The following DNM3 variants were observed in gnomAD, a reference collection of about 807,000 sequenced individuals.
DNM3 encodes the protein dynamin 3.
In DNM3, 47 loss-of-function variants were observed where a neutral mutation model predicts 101.6. The observed-to-expected ratio is 0.46, with a 90% CI of 0.37 to 0.59. The LOEUF (loss-of-function observed/expected upper bound fraction) is 0.59, where lower values mean the gene tolerates loss of function less well. Among genes scored for constraint, DNM3 ranks in the 20% least tolerant of loss-of-function variants. The pLI is 0.00. For synonymous variants in DNM3, 385 were observed against 387.9 expected (o/e 0.99, Z 0.09); for missense variants, 849 against 1,085.7 (o/e 0.78, Z 3.06).
chr1:172,169,043 G>A (rs906772678), intron 14 of DNM3, among the ~76,000 whole-genome samples: 1 of 151,792 alleles, frequency 6.6e-6, no homozygotes, highest in African/African-American at 2.4e-5. Flanking sequence ...GTAGTCTTTG[G>A]ATATATACAT....
intron 16 of DNM3, among the ~76,000 whole-genome samples, chr1:172,315,885 G>A (rs1201062619): frequency 6.6e-6 from 1 of 152,092 alleles, no homozygotes; most frequent in Admixed American, 6.5e-5. Context: ...GAAATACAGA[G>A]AACGCCACAA....
intron 16 of DNM3, among the ~76,000 whole-genome samples, chr1:172,314,419 C>T (rs982171553): frequency 3.9e-5 from 6 of 152,102 alleles, no homozygotes; most frequent in East Asian, 1.9e-4. Flanking sequence ...GTGCACGAGC[C>T]GAAGCAGGGC....
At chr1:172,182,242 C>A (rs992864176) in intron 14 of DNM3, among the ~76,000 whole-genome samples, 3 of 150,634 alleles carry the variant, frequency 2.0e-5, no homozygotes, top group Non-Finnish European at 4.4e-5. Context: ...AACAAAAAAA[C>A]GATTTCTCTA....
chr1:172,071,099 AT>A (rs2052140658), intron 11 of DNM3, among the ~76,000 whole-genome samples: 1 of 129,692 alleles, frequency 7.7e-6, no homozygotes, highest in African/African-American at 3.3e-5. Flanking sequence ...ATATATATAT[AT>A]ATATATATAT....
chr1:172,396,239 A>G (rs1344088739), intron 20 of DNM3, among the ~76,000 whole-genome samples: 1 of 152,228 alleles, frequency 6.6e-6, no homozygotes, highest in South Asian at 2.1e-4. Flanking sequence ...CTACCCAAGG[A>G]CCTGAAAATA....
chr1:171,977,284 T>C (rs2044446795), intron 2 of DNM3, among the ~76,000 whole-genome samples: 2 of 152,212 alleles, frequency 1.3e-5, no homozygotes, highest in South Asian at 4.1e-4. Context: ...ATTCTGGCCT[T>C]TCCAGCCTTA....
chr1:171,907,664 C>T (rs1571546830), intron 1 of DNM3, among the ~76,000 whole-genome samples: 1 of 152,256 alleles, frequency 6.6e-6, no homozygotes, highest in South Asian at 2.1e-4. Flanking sequence ...TTGCTCATTC[C>T]TCTCTAGCAT....
At chr1:171,961,190 G>A in intron 2 of DNM3, among the ~76,000 whole-genome samples, 1 of 152,068 alleles carries the variant, frequency 6.6e-6, no homozygotes, top group East Asian at 1.9e-4. Flanking sequence ...GAGGGATGTT[G>A]GTACAAGGAA....
At chr1:171,922,862 G>A (rs550120422) in intron 2 of DNM3, among the ~76,000 whole-genome samples, 5 of 152,284 alleles carry the variant, frequency 3.3e-5, no homozygotes, top group East Asian at 3.9e-4. Context: ...CATCCATGTC[G>A]TAGCATGTAT....
chr1:172,033,259 T>C lies in DNM3; in HGVS notation c.843T>C (p.Leu281=), dbSNP rs200331380. ...RMGTPHLQKV[L]NQQLTNHIRD... The stretch of plus-strand genomic sequence containing the variant: ...GAACCCCACACCTGCAGAAGGTCCT[T>C]AATCAGGTAAAAATGTTCTTTCAAG... Residue 281 remains leucine (L), a synonymous_variant, in exon 6 of 21, where the codon CTT becomes CTC. Transcript: ENST00000627582. 1.4e-4 allele frequency: 229 copies of C among 1,595,182 alleles called. 1 individual carries two copies. Among genetic ancestry groups the C allele is most frequent in the Admixed American group, 7.0e-5 (4 of 57,290 alleles).
Position 172,069,996 on chromosome 1 carries a change from G to A in DNM3, c.1422+1091G>A, listed in dbSNP as rs555043263. Among the ~76,000 whole-genome samples the A allele has an allele frequency of 1.1e-4, 17 of 152,266 alleles. No homozygotes were observed. In the South Asian group the frequency reaches 3.3e-3, roughly 30 times the overall value. On this transcript the variant is annotated intron_variant, in intron 11 of 20. Coordinates refer to ENST00000627582, the MANE Select transcript of DNM3 (RefSeq NM_015569.5). Reference sequence around the variant, plus strand: ...GAAGAGGAGCAGGTGGAGGAGAAAGGAGAAAAGGAAGGACAGAGGGATGGA... The same window carrying A: ...GAAGAGGAGCAGGTGGAGGAGAAAGAAGAAAAGGAAGGACAGAGGGATGGA...
intron 15 of DNM3, among the ~76,000 whole-genome samples, chr1:172,261,651 G>A (rs186116105): frequency 1.3e-5 from 2 of 152,342 alleles, no homozygotes; most frequent in East Asian, 3.9e-4. Flanking sequence ...TGTGGCATGG[G>A]CAATGGCAGT....
intron 2 of DNM3, among the ~76,000 whole-genome samples, chr1:171,933,837 G>A (rs1000704876): frequency 2.0e-5 from 3 of 152,200 alleles, no homozygotes; most frequent in African/African-American, 7.2e-5. Context: ...TACACACAAG[G>A]AGGATGGGAG....
chr1:172,324,325 G>T (rs535139813), intron 17 of DNM3, among the ~76,000 whole-genome samples: 1 of 152,238 alleles, frequency 6.6e-6, no homozygotes, highest in East Asian at 1.9e-4. Flanking sequence ...CAAAATTTCT[G>T]TTCATAAGCC....
rs75242840 is a variant in DNM3, at chr1:172,400,285, C to T, written c.2523-7487C>T. ...CTCCTGGTGCCTGAAGTGGGAGTGA[C>T]GAGAAGGGTCAGAAAAAGGTTTACC... On this transcript the variant is annotated intron_variant, in intron 20 of 20. Coordinates refer to ENST00000627582, the MANE Select transcript of DNM3 (RefSeq NM_015569.5). Among the ~76,000 whole-genome samples the T allele has an allele frequency of 4.0e-3, 613 of 151,954 alleles. 5 individuals carry two copies. The highest frequency in any genetic ancestry group is 0.014 in the African/African-American group (588 of 41,412).
At chr1:172,043,297 A>G (rs1453092360) in intron 8 of DNM3, among the ~76,000 whole-genome samples, 3 of 152,094 alleles carry the variant, frequency 2.0e-5, no homozygotes, top group African/African-American at 7.2e-5. Context: ...AAATGGAGGA[A>G]AACCTCTGTT....
At chr1:172,286,851 C>G (rs951466011) in intron 15 of DNM3, among the ~76,000 whole-genome samples, 3 of 152,188 alleles carry the variant, frequency 2.0e-5, no homozygotes, top group Non-Finnish European at 2.9e-5. Flanking sequence ...ACACAAAAAG[C>G]AAACAGATAA....
chr1:172,186,136 G>A (rs1558692985), intron 14 of DNM3, among the ~76,000 whole-genome samples: 1 of 152,060 alleles, frequency 6.6e-6, no homozygotes, highest in Non-Finnish European at 1.5e-5. Flanking sequence ...CCAGAGTTTG[G>A]GGGATGACAG....
chr1:172,144,451 C>T, intron 14 of DNM3: 1 of 314,280 alleles, frequency 3.2e-6, no homozygotes. Flanking sequence ...TGAAGAAAAA[C>T]ACTGGATATG....
Sources: allele counts gnomAD v4.1 joint callset (sites outside exome capture counted in the v4.1 genomes callset), GRCh38; gene constraint gnomAD v4.1.1; transcripts MANE v1.5; gene names NCBI Gene and HGNC (gene_info 2026-07-23, HGNC 2026-07-21).